The following ELAPOR1 variants were observed in gnomAD, a reference collection of about 807,000 sequenced individuals.
The protein encoded by ELAPOR1 is endosome-lysosome associated apoptosis and autophagy regulator 1.
In ELAPOR1, 77 loss-of-function variants were observed where a neutral mutation model predicts 119.7. That is an observed-to-expected ratio of 0.64 (90% confidence interval 0.54 to 0.78). The LOEUF (loss-of-function observed/expected upper bound fraction) is 0.78, where lower values mean the gene tolerates loss of function less well. Among genes scored for constraint, ELAPOR1 ranks in the 30% least tolerant of loss-of-function variants. The pLI is 0.00. For synonymous variants in ELAPOR1, 481 were observed against 487.2 expected, an observed-to-expected ratio of 0.99 and a Z score of 0.17; for missense variants, 1,115 against 1,270.4, an observed-to-expected ratio of 0.88 and a Z score of 1.86.
Position 109,144,061 on chromosome 1 carries a change from A to ATATTTTTTTTTTTTTTTTTTTT in ELAPOR1, c.154-17832_154-17831insATTTTTTTTTTTTTTTTTTTTT. Among the ~76,000 whole-genome samples the ATATTTTTTTTTTTTTTTTTTTT allele has an allele frequency of 7.9e-5, 7 of 88,988 alleles. 1 individual carries two copies. The highest frequency in any genetic ancestry group is 9.6e-5 in the African/African-American group (2 of 20,740). 58.4% of individuals were successfully genotyped at this position (88,988 alleles called of 152,430 possible). A position where few individuals can be genotyped will look rare whatever the true frequency, so the allele number is the denominator to read the frequency against. ...TATATATATATATATATATTTATAT[A>ATATTTTTTTTTTTTTTTTTTTT]TTTTTTTTTTTTTTTGAGATGGAGT... On this transcript the variant is annotated intron_variant, in intron 1 of 21. Coordinates refer to ENST00000369939, the MANE Select transcript of ELAPOR1 (RefSeq NM_020775.5).
chr1:109,203,153 CT>C lies in ELAPOR1; in HGVS notation c.*148del. The C allele has an allele frequency of 3.2e-6, 2 of 617,948 alleles. No individual in the cohort carries two copies. Among genetic ancestry groups the C allele is most frequent in the Admixed American group, 3.3e-5 (1 of 30,330 alleles). 38.3% of individuals were successfully genotyped at this position (617,948 alleles called of 1,614,324 possible). ...CTTATCAGATGTTTGAATTTCAGAT[CT>C]TTTTTTATAGAGTACCCAAACCCTC... On this transcript the variant is annotated 3_prime_UTR_variant, in exon 22 of 22. Coordinates refer to ENST00000369939, the MANE Select transcript of ELAPOR1 (RefSeq NM_020775.5).
At chr1:109,144,331 C>T (rs1157712547) in intron 1 of ELAPOR1, among the ~76,000 whole-genome samples, 1 of 151,580 alleles carries the variant, frequency 6.6e-6, no homozygotes, top group Non-Finnish European at 1.5e-5. Flanking sequence ...AGATTACAGG[C>T]GTGAGCCATC....
intron 1 of ELAPOR1, among the ~76,000 whole-genome samples, chr1:109,135,993 CTTTTCTTT>C (rs1368823782): frequency 6.6e-6 from 1 of 152,102 alleles, no homozygotes; most frequent in African/African-American, 2.4e-5. Context: ...TTCTGCTTTT[CTTTTCTTT>C]TTTTCTTTTT....
chr1:109,150,281 A>G (rs1259473937), intron 1 of ELAPOR1, among the ~76,000 whole-genome samples: 1 of 152,168 alleles, frequency 6.6e-6, no homozygotes, highest in African/African-American at 2.4e-5. Context: ...TTTATGATCA[A>G]AATAGAAGCT....
chr1:109,185,252 G>A (rs1652975091), intron 8 of ELAPOR1, 119 bp downstream of exon 8: 1 of 766,444 alleles, frequency 1.3e-6, no homozygotes, highest in Non-Finnish European at 2.2e-6. Flanking sequence ...AAACCCCACA[G>A]ACCTTTGAGG....
chr1:109,195,902 A>T (rs1653766553), intron 15 of ELAPOR1, among the ~76,000 whole-genome samples: 1 of 152,252 alleles, frequency 6.6e-6, no homozygotes, highest in Non-Finnish European at 1.5e-5. Context: ...CACGCCTGTA[A>T]TCCCAGCAAT....
rs1271600009 is a variant in ELAPOR1, at chr1:109,189,080, C to T, written c.1234C>T (p.Pro412Ser). 2.5e-6 allele frequency: 4 copies of T among 1,613,760 alleles called. No individual in the cohort carries two copies. Among genetic ancestry groups the T allele is most frequent in the South Asian group, 1.1e-5 (1 of 91,056 alleles). Residue 412 changes from proline to serine, a missense_variant, in exon 10 of 22, where the codon CCT becomes TCT. By Grantham distance (74) the Pro-to-Ser change is moderately conservative. Coordinates refer to ENST00000369939, the MANE Select transcript of ELAPOR1 (RefSeq NM_020775.5). Reference sequence around the variant, plus strand: ...TGGTTCCCCAGACTGTACCCGCTGCCCTGCAGGGACTGAACCTGCTGTGGG... The same window carrying T: ...TGGTTCCCCAGACTGTACCCGCTGCTCTGCAGGGACTGAACCTGCTGTGGG... Reference protein sequence around the residue: ...YSNGSDCTRCPAGTEPAVGFE... With the variant: ...YSNGSDCTRCSAGTEPAVGFE...
At chr1:109,175,394 G>T (rs1321783559) in intron 7 of ELAPOR1, among the ~76,000 whole-genome samples, 1 of 150,438 alleles carries the variant, frequency 6.6e-6, no homozygotes, top group African/African-American at 2.4e-5. Flanking sequence ...TAGCGACAGG[G>T]TTTCATTATG....
Position 109,124,942 on chromosome 1 carries a change from T to A in ELAPOR1, c.153+10606T>A, listed in dbSNP as rs545134407. Among the ~76,000 whole-genome samples the A allele has an allele frequency of 1.2e-4, 18 of 152,208 alleles. No homozygotes were observed. The South Asian group carries it at 2.7e-3, about 23-fold the overall frequency. On this transcript the variant is annotated intron_variant, in intron 1 of 21. Coordinates refer to ENST00000369939, the MANE Select transcript of ELAPOR1 (RefSeq NM_020775.5). ...TTGTGTGTGGTCTCTCTTTTTTTTT[T>A]GAGAGAGACAGAATCTTGCTCTGTC...
In ELAPOR1 at chr1:109,194,480, C is replaced by A. The variant is rs1206930557; in HGVS notation, c.2007C>A (p.Phe669Leu). 6.2e-7 allele frequency: 1 copy of A among 1,613,768 alleles called. No homozygotes were observed. The highest frequency in any genetic ancestry group is 1.1e-5 in the South Asian group (1 of 91,074). Reference protein sequence around the residue: ...TFSRNTPTRTFNYNFSALANT... With the variant: ...TFSRNTPTRTLNYNFSALANT... The stretch of plus-strand genomic sequence containing the variant: ...CACGCAACACTCCGACCAGGACTTT[C>A]AACTACAACTTCTCCGCTTTGGCAA... The change falls in exon 15 of 22, where the codon TTC becomes TTA. Residue 669 changes from phenylalanine to leucine, a missense_variant. Physicochemically the swap from Phe to Leu is conservative, Grantham distance 22. Transcript: ENST00000369939.
At position 109,198,060 on chromosome 1, in the gene ELAPOR1, T is replaced by C; in HGVS notation, c.2384T>C (p.Val795Ala). Residue 795 changes from valine (V) to alanine (A), a missense_variant, in exon 17 of 22, where the codon GTG becomes GCG. Physicochemically the swap from Val to Ala is moderately conservative, Grantham distance 64. Coordinates refer to ENST00000369939, the MANE Select transcript of ELAPOR1 (RefSeq NM_020775.5). The stretch of plus-strand genomic sequence containing the variant: ...CTGGAGTCCTTGGGAATACCGGACG[T>C]GATCTTCTTTTATAGGTGAAGATGA... The part of the protein sequence containing the change: ...FHLESLGIPD[V>A]IFFYRSNDVT... The C allele has an allele frequency of 6.2e-7, 1 of 1,613,614 alleles. No homozygotes were observed. Among genetic ancestry groups the C allele is most frequent in the African/African-American group, 1.3e-5 (1 of 75,054 alleles).
chr1:109,192,221 A>G (rs1653484634), intron 13 of ELAPOR1, among the ~76,000 whole-genome samples: 1 of 152,236 alleles, frequency 6.6e-6, no homozygotes, highest in African/African-American at 2.4e-5. Flanking sequence ...AAACAAAAAT[A>G]AGAAATAAAA....
chr1:109,117,684 C>T (rs1028737421), intron 1 of ELAPOR1, among the ~76,000 whole-genome samples: 1 of 152,164 alleles, frequency 6.6e-6, no homozygotes, highest in East Asian at 1.9e-4. Context: ...GTGCCTAGTA[C>T]ATACCCTTGA....
chr1:109,150,583 C>T (rs957867066), intron 1 of ELAPOR1, among the ~76,000 whole-genome samples: 10 of 152,194 alleles, frequency 6.6e-5, no homozygotes, highest in African/African-American at 2.2e-4. Flanking sequence ...GCGTCTGCCT[C>T]GGTGTCTGCA....
At chr1:109,123,820 A>G (rs900303347) in intron 1 of ELAPOR1, among the ~76,000 whole-genome samples, 9 of 151,942 alleles carry the variant, frequency 5.9e-5, no homozygotes, top group Non-Finnish European at 1.0e-4. Flanking sequence ...TTTTTTTGAG[A>G]TAGAGTTTTT....
chr1:109,153,743 G>A (rs1295133558), intron 1 of ELAPOR1, among the ~76,000 whole-genome samples: 1 of 151,878 alleles, frequency 6.6e-6, no homozygotes, highest in African/African-American at 2.4e-5. Flanking sequence ...GGGTTCAAGC[G>A]ATTCTCCTGT....
intron 1 of ELAPOR1, among the ~76,000 whole-genome samples, chr1:109,129,282 G>A (rs1022198110): frequency 5.3e-5 from 8 of 152,294 alleles, no homozygotes; most frequent in African/African-American, 1.9e-4. Flanking sequence ...GGCCTAGGCG[G>A]GTGGATAACC....
intron 3 of ELAPOR1, 129 bp downstream of exon 3, chr1:109,164,820 C>G: frequency 1.1e-6 from 1 of 875,656 alleles, no homozygotes; most frequent in South Asian, 1.8e-5. Context: ...AGCCAGGCTG[C>G]CAGGGTGAGG....
intron 3 of ELAPOR1, among the ~76,000 whole-genome samples, chr1:109,168,655 A>G (rs558864163): frequency 1.3e-5 from 2 of 152,358 alleles, no homozygotes; most frequent in African/African-American, 4.8e-5. Flanking sequence ...AGACGCCCAA[A>G]GACTGTGACA....
Sources: gnomAD v4.1 joint callset for allele counts (sites outside exome capture counted in the v4.1 genomes callset) on GRCh38, gnomAD v4.1.1 for gene constraint, MANE v1.5 for transcripts, NCBI Gene and HGNC (gene_info 2026-07-23, HGNC 2026-07-21) for gene names.